The following ST18 variants were observed in gnomAD, a reference collection of about 807,000 sequenced individuals.
ST18 encodes the protein suppression of tumorigenicity 18 protein.
A neutral mutation model predicts 110.0 loss-of-function variants in ST18; 50 were observed. That is an observed-to-expected ratio of 0.45 (90% CI 0.36 to 0.58). The LOEUF is 0.58. Among genes scored for constraint, ST18 ranks in the 20% least tolerant of loss-of-function variants. The pLI, the probability that ST18 is intolerant of heterozygous loss-of-function variation, is 0.00. For synonymous variants in ST18, 461 were observed against 452.4 expected (o/e 1.02, Z -0.24); for missense variants, 1,306 against 1,280.1 (o/e 1.02, Z -0.31).
In ST18 at chr8:52,134,605, CT is replaced by C. The variant is rs561075135; in HGVS notation, c.2301-1305del. Among the ~76,000 whole-genome samples the C allele has an allele frequency of 4.7e-3, 695 of 149,350 alleles. 7 individuals are homozygous for C. Among genetic ancestry groups the C allele is most frequent in the African/African-American group, 0.015 (625 of 40,842 alleles). ...AGTCAGAAAATAGGGAACAAATTGC[CT>C]TTTTTTTTTCTTTTTTCAAATGTAA... On this transcript the variant is annotated intron_variant, in intron 19 of 25. Coordinates refer to ENST00000689386, the MANE Select transcript of ST18 (RefSeq NM_001352837.2).
intron 8 of ST18, among the ~76,000 whole-genome samples, chr8:52,208,835 A>G (rs899656338): frequency 1.4e-4 from 21 of 152,244 alleles, no homozygotes; most frequent in Admixed American, 2.6e-4. Flanking sequence ...AAATAAATAA[A>G]TAAATAAATA....
intron 15 of ST18, among the ~76,000 whole-genome samples, chr8:52,153,156 T>C (rs1242725581): frequency 6.6e-6 from 1 of 152,260 alleles, no homozygotes; most frequent in Non-Finnish European, 1.5e-5. Flanking sequence ...AAGTTTGTGA[T>C]GAAGTAAAAA....
intron 2 of ST18, among the ~76,000 whole-genome samples, chr8:52,303,002 C>G (rs901804345): frequency 3.9e-5 from 6 of 151,940 alleles, no homozygotes; most frequent in African/African-American, 1.4e-4. Context: ...CCTCCCATTC[C>G]AAAAAAAGAA....
chr8:52,360,130 C>T (rs1188446788), intron 2 of ST18, among the ~76,000 whole-genome samples: 1 of 152,026 alleles, frequency 6.6e-6, no homozygotes. Flanking sequence ...CACTAGATAA[C>T]TTGCTACTTT....
chr8:52,242,502 C>T (rs963866222), intron 2 of ST18, among the ~76,000 whole-genome samples: 6 of 152,130 alleles, frequency 3.9e-5, no homozygotes, highest in Non-Finnish European at 7.4e-5. Flanking sequence ...TATAGACTGT[C>T]GCCTTGGTGA....
chr8:52,296,637 T>C (rs1350792348), intron 2 of ST18: 1 of 152,198 alleles, frequency 6.6e-6, no homozygotes, highest in Admixed American at 6.5e-5. Flanking sequence ...CAGTAATTGA[T>C]TCTACCTTTC....
chr8:52,271,442 C>T (rs1248748750), intron 2 of ST18, among the ~76,000 whole-genome samples: 2 of 152,138 alleles, frequency 1.3e-5, no homozygotes, highest in Non-Finnish European at 2.9e-5. Context: ...TAGGGGCTTA[C>T]CAATATATAC....
chr8:52,120,947 G>A (rs1163281319), intron 23 of ST18, among the ~76,000 whole-genome samples: 1 of 152,132 alleles, frequency 6.6e-6, no homozygotes, highest in Non-Finnish European at 1.5e-5. Context: ...AATCGACGGA[G>A]AAGAGAGGAA....
At chr8:52,211,307 CA>C (rs35531750) in intron 8 of ST18, among the ~76,000 whole-genome samples, 4 of 151,336 alleles carry the variant, frequency 2.6e-5, no homozygotes, top group Admixed American at 2.6e-4. Context: ...TGAATCCACT[CA>C]AAAAAACTAT....
intron 2 of ST18, chr8:52,254,342 A>G (rs766042708): frequency 6.6e-6 from 1 of 152,162 alleles, no homozygotes; most frequent in Admixed American, 6.6e-5. Flanking sequence ...AGTTCCCATG[A>G]TATGACATCC....
intron 3 of ST18, among the ~76,000 whole-genome samples, chr8:52,223,722 A>C (rs2087970582): frequency 6.6e-6 from 1 of 152,168 alleles, no homozygotes. Flanking sequence ...ACTCAAAGTG[A>C]AAAATTTATT....
chr8:52,329,219 A>ATGTGTG (rs71252933), intron 2 of ST18, among the ~76,000 whole-genome samples: 3 of 131,650 alleles, frequency 2.3e-5, no homozygotes, highest in Non-Finnish European at 4.9e-5. Flanking sequence ...GCATGTATTT[A>ATGTGTG]TGTGTGTGTG....
chr8:52,185,669 G>C (rs1405740725), intron 8 of ST18, among the ~76,000 whole-genome samples: 1 of 152,102 alleles, frequency 6.6e-6, no homozygotes, highest in Non-Finnish European at 1.5e-5. Flanking sequence ...AGGCATCATT[G>C]GGCAAAGGGT....
intron 7 of ST18, among the ~76,000 whole-genome samples, chr8:52,213,145 T>C (rs1039444680): frequency 2.0e-5 from 3 of 152,174 alleles, no homozygotes; most frequent in Non-Finnish European, 4.4e-5. Flanking sequence ...TAATACAGTA[T>C]AAAATTTCTG....
intron 2 of ST18, among the ~76,000 whole-genome samples, chr8:52,236,467 G>A (rs1167997246): frequency 2.6e-5 from 4 of 152,018 alleles, no homozygotes; most frequent in African/African-American, 4.8e-5. Context: ...AAAATTAGCT[G>A]GGCATGGTGG....
intron 6 of ST18, among the ~76,000 whole-genome samples, chr8:52,217,112 G>A (rs2084590476): frequency 6.6e-6 from 1 of 152,124 alleles, no homozygotes; most frequent in South Asian, 2.1e-4. Context: ...CTATTGATAA[G>A]CTTGCAATTA....
intron 2 of ST18, among the ~76,000 whole-genome samples, chr8:52,270,836 G>C (rs967603450): frequency 6.6e-6 from 1 of 152,018 alleles, no homozygotes; most frequent in African/African-American, 2.4e-5. Flanking sequence ...TATTAAAATC[G>C]ATTGAATTGT....
intron 8 of ST18, among the ~76,000 whole-genome samples, chr8:52,205,721 C>A (rs2079761476): frequency 6.6e-6 from 1 of 152,092 alleles, no homozygotes; most frequent in South Asian, 2.1e-4. Flanking sequence ...GTGCGTGCCA[C>A]CACCCCTGGC....
At chr8:52,227,100 C>A (rs1436971205) in intron 3 of ST18, among the ~76,000 whole-genome samples, 1 of 152,134 alleles carries the variant, frequency 6.6e-6, no homozygotes, top group Non-Finnish European at 1.5e-5. Flanking sequence ...TGACATGACT[C>A]AATTGTGGAG....
Sources: gnomAD v4.1 joint callset for allele counts (sites outside exome capture counted in the v4.1 genomes callset) on GRCh38, gnomAD v4.1.1 for gene constraint, MANE v1.5 for transcripts, NCBI Gene and HGNC (gene_info 2026-07-23, HGNC 2026-07-21) for gene names.